HPSE2: variants seen among roughly 807,000 people sequenced by gnomAD.
HPSE2 encodes the protein inactive heparanase-2.
A neutral mutation model predicts 60.5 loss-of-function variants in HPSE2; 38 were observed. The observed-to-expected ratio is 0.63, with a 90% CI of 0.48 to 0.82. HPSE2 has a LOEUF of 0.82. Among genes scored for constraint, HPSE2 ranks in the 40% least tolerant of loss-of-function variants. The pLI is 0.00. For missense variants in HPSE2, 713 were observed against 740.4 expected (o/e 0.96, Z 0.43); for synonymous variants, 295 against 293.2 (o/e 1.01, Z -0.06).
the HPSE2 span, among the ~76,000 whole-genome samples, chr10:99,290,980 A>T: frequency 6.6e-6 from 1 of 152,294 alleles, no homozygotes; most frequent in African/African-American, 2.4e-5. Context: ...ATTCAAAAAG[A>T]CTTTTTGGTC....
At chr10:98,957,979 C>A (rs909346026) in intron 3 of HPSE2, among the ~76,000 whole-genome samples, 1 of 152,242 alleles carries the variant, frequency 6.6e-6, no homozygotes, top group East Asian at 1.9e-4. Flanking sequence ...TTCACATCTG[C>A]AGAGAGAAGA....
At chr10:99,186,970 G>C (rs988413736) in intron 2 of HPSE2, among the ~76,000 whole-genome samples, 2 of 152,058 alleles carry the variant, frequency 1.3e-5, no homozygotes. Flanking sequence ...TTTTTGTAGA[G>C]ATGGAGTTTT....
intron 9 of HPSE2, among the ~76,000 whole-genome samples, chr10:98,516,683 TAAAA>T (rs1297194148): frequency 6.6e-6 from 1 of 152,040 alleles, no homozygotes; most frequent in Non-Finnish European, 1.5e-5. Context: ...AGGCAAGAGG[TAAAA>T]GCGCTTCTCT....
rs10883100 is a variant in HPSE2 at position 98,459,617 on chromosome 10, T to A, written c.1736A>T (p.Tyr579Phe). 802,174 of 1,613,592 alleles carry A rather than the reference T, an allele frequency of 0.5. 201,094 individuals carry two copies. The highest frequency in any genetic ancestry group is 0.62 in the African/African-American group (46,567 of 74,922). ...LVIPPVTMGF[Y>F]VVKNVNALAC... ...CAAAGCATTGACATTCTTGACCACA[T>A]AAAAGCCCATGGTGACTGGAGGGAT... The change falls in exon 12 of 12, where the codon TAT becomes TTT. Residue 579 changes from tyrosine to phenylalanine, a missense_variant. By Grantham distance (22) the Tyr-to-Phe change is conservative. Transcript: ENST00000370552.
chr10:98,559,409 T>G (rs983583834), intron 9 of HPSE2, among the ~76,000 whole-genome samples: 10 of 152,064 alleles, frequency 6.6e-5, no homozygotes, highest in African/African-American at 2.2e-4. Context: ...CCTTCTGTCC[T>G]CTATTCTCCC....
chr10:99,313,164 G>GAGGT, the HPSE2 span, among the ~76,000 whole-genome samples: 1 of 152,208 alleles, frequency 6.6e-6, no homozygotes, highest in Admixed American at 6.5e-5. Flanking sequence ...TACCCAGCCT[G>GAGGT]AGGTATTGCT....
chr10:98,484,715 G>C (rs1346051384), intron 10 of HPSE2, among the ~76,000 whole-genome samples: 6 of 152,196 alleles, frequency 3.9e-5, no homozygotes, highest in Admixed American at 2.0e-4. Flanking sequence ...TTCTTTTGCT[G>C]TTTTACCTAC....
intron 10 of HPSE2, among the ~76,000 whole-genome samples, chr10:98,486,439 A>AT (rs951107992): frequency 2.3e-4 from 34 of 150,870 alleles, no homozygotes; most frequent in South Asian, 2.1e-4. Flanking sequence ...CATGGGTGAG[A>AT]TTTTTTTTTC....
At chr10:99,180,889 CAAAAAAAAAAAAA>C (rs68033581) in intron 2 of HPSE2, among the ~76,000 whole-genome samples, 14 of 29,700 alleles carry the variant, frequency 4.7e-4, no homozygotes, top group African/African-American at 1.9e-3. Flanking sequence ...GACTCCATCT[CAAAAAAAAAAAAA>C]AAAAAAAAAA....
chr10:98,992,231 T>A (rs1198249533), intron 3 of HPSE2, among the ~76,000 whole-genome samples: 1 of 152,180 alleles, frequency 6.6e-6, no homozygotes, highest in Non-Finnish European at 1.5e-5. Flanking sequence ...TTTAAGAAAC[T>A]AGAATAGCCC....
chr10:98,732,291 T>C (rs992621467), intron 4 of HPSE2, among the ~76,000 whole-genome samples: 1 of 152,134 alleles, frequency 6.6e-6, no homozygotes, highest in Non-Finnish European at 1.5e-5. Flanking sequence ...ATCCCAAATT[T>C]TACATGGAAA....
At chr10:98,484,171 C>T (rs761394549) in intron 10 of HPSE2, among the ~76,000 whole-genome samples, 11 of 151,742 alleles carry the variant, frequency 7.2e-5, no homozygotes, top group Non-Finnish European at 1.3e-4. Flanking sequence ...CCTTTGCCTG[C>T]CTGCCTTCCT....
At chr10:99,265,090 G>T in the HPSE2 span, among the ~76,000 whole-genome samples, 1 of 152,108 alleles carries the variant, frequency 6.6e-6, no homozygotes, top group Admixed American at 6.5e-5. Flanking sequence ...ATCCATAAAA[G>T]AAGTGAAAAT....
chr10:98,695,732 T>C (rs1399510810), intron 5 of HPSE2, among the ~76,000 whole-genome samples: 1 of 152,158 alleles, frequency 6.6e-6, no homozygotes, highest in Non-Finnish European at 1.5e-5. Context: ...TTTCTCTTCC[T>C]CTTTATCTCA....
intron 9 of HPSE2, among the ~76,000 whole-genome samples, chr10:98,528,920 A>G (rs1256448433): frequency 6.6e-6 from 1 of 152,164 alleles, no homozygotes; most frequent in Non-Finnish European, 1.5e-5. Flanking sequence ...AAACCACTCT[A>G]TTTTCCTGAC....
intron 3 of HPSE2, among the ~76,000 whole-genome samples, chr10:98,844,440 A>G (rs2134704699): frequency 6.6e-6 from 1 of 152,358 alleles, no homozygotes; most frequent in African/African-American, 2.4e-5. Context: ...TGATACTAGT[A>G]TGTCCAACCA....
intron 3 of HPSE2, among the ~76,000 whole-genome samples, chr10:99,094,645 C>A (rs1337134288): frequency 7.0e-6 from 1 of 143,812 alleles, no homozygotes; most frequent in Non-Finnish European, 1.5e-5. Flanking sequence ...CAACCTCTAC[C>A]TCCCAAGCTC....
At chr10:99,067,730 G>A (rs919714166) in intron 3 of HPSE2, among the ~76,000 whole-genome samples, 3 of 152,142 alleles carry the variant, frequency 2.0e-5, no homozygotes, top group Non-Finnish European at 4.4e-5. Context: ...TGATGGGAGG[G>A]GCTGCTGTGA....
At chr10:98,630,894 T>C (rs1946351067) in intron 7 of HPSE2, among the ~76,000 whole-genome samples, 1 of 152,180 alleles carries the variant, frequency 6.6e-6, no homozygotes, top group African/African-American at 2.4e-5. Context: ...CTCTGTTCAC[T>C]TTCTAATTCA....
Sources: gnomAD v4.1 joint callset for allele counts (sites outside exome capture counted in the v4.1 genomes callset) on GRCh38, gnomAD v4.1.1 for gene constraint, MANE v1.5 for transcripts, NCBI Gene and HGNC (gene_info 2026-07-23, HGNC 2026-07-21) for gene names.